Variants in WDR44 observed in about 807,000 individuals in gnomAD.
The protein encoded by WDR44 is WD repeat domain 44.
A neutral mutation model predicts 65.7 loss-of-function variants in WDR44; 9 were observed. The ratio of observed to expected loss-of-function variants is 0.14; its 90% CI spans 0.08 to 0.24. WDR44 has a LOEUF of 0.24. Among genes scored for constraint, WDR44 ranks in the 10% least tolerant of loss-of-function variants. The probability of loss-of-function intolerance (pLI) is 1.00; values close to 1 mark genes in which losing one functional copy is unlikely to be tolerated. For missense variants in WDR44, 425 were observed against 670.9 expected (o/e 0.63, Z 4.05); for synonymous variants, 220 against 235.2 (o/e 0.94, Z 0.59).
At chrX:118,424,323 G>GTGTATATATATATATATATATATA (rs1289349202) in intron 12 of WDR44, among the ~76,000 whole-genome samples, 3 of 65,554 alleles carry the variant, frequency 4.6e-5, no homozygotes, top group African/African-American at 3.0e-4. Flanking sequence ...GTGTGTGTGT[G>GTGTATATATATATATATATATATA]TATATATATA....
intron 3 of WDR44, 74 bp from the exon 4 acceptor site, chrX:118,392,558 T>C: frequency 3.4e-6 from 3 of 875,450 alleles, no homozygotes; most frequent in Non-Finnish European, 3.2e-6. Flanking sequence ...CTAAGTACTA[T>C]GTAAATGATT....
intron 14 of WDR44, among the ~76,000 whole-genome samples, chrX:118,438,797 G>GTTTTTTTGTTTTTTTTTTTTTTTT (rs1431508948): frequency 3.1e-5 from 2 of 64,071 alleles, no homozygotes; most frequent in African/African-American, 1.1e-4. Flanking sequence ...GTTCAGCCAT[G>GTTTTTTTGTTTTTTTTTTTTTTTT]TTTTTTTTTT....
At chrX:118,419,373 C>G (rs1351572739) in intron 12 of WDR44, among the ~76,000 whole-genome samples, 1 of 112,031 alleles carries the variant, frequency 8.9e-6, no homozygotes, top group African/African-American at 3.2e-5. Flanking sequence ...TCCTCTACTT[C>G]TATATTTCGC....
chrX:118,432,909 T>C lies in WDR44; in HGVS notation c.1851+15T>C. On this transcript the variant is annotated intron_variant, in intron 13 of 19. Coordinates refer to ENST00000254029, the MANE Select transcript of WDR44 (RefSeq NM_019045.5). ...CATGGTCTAAAGTAAGAAATTCTTA[T>C]TTGAATCATATAGTAATTCTGCGTA... is the stretch of plus-strand genomic sequence containing the variant. The C allele has an allele frequency of 8.6e-7, 1 of 1,157,293 alleles. No homozygotes were observed. The highest frequency in any genetic ancestry group is 1.2e-6 in the Non-Finnish European group (1 of 846,835).
At chrX:118,432,654 G>T (rs765440589) in intron 12 of WDR44, 127 bp from the exon 13 acceptor site, 1 of 580,461 alleles carries the variant, frequency 1.7e-6, no homozygotes, top group Non-Finnish European at 2.9e-6. Flanking sequence ...ATAAAGGGGA[G>T]CTTGCTTTTG....
chrX:118,431,285 A>T (rs2057208117), intron 12 of WDR44, among the ~76,000 whole-genome samples: 1 of 110,632 alleles, frequency 9.0e-6, no homozygotes, highest in African/African-American at 3.3e-5. Flanking sequence ...AGGCCTTTTT[A>T]TTGTTTATTT....
At chrX:118,368,275 C>T (rs1410106938) in intron 1 of WDR44, among the ~76,000 whole-genome samples, 2 of 109,419 alleles carry the variant, frequency 1.8e-5, no homozygotes, top group African/African-American at 6.7e-5. Context: ...CAGTTATTGT[C>T]ATCGCATCAG....
At chrX:118,369,933 G>A (rs190249615) in intron 1 of WDR44, among the ~76,000 whole-genome samples, 1 of 112,156 alleles carries the variant, frequency 8.9e-6, no homozygotes, top group Non-Finnish European at 1.9e-5. Flanking sequence ...GGGTTTTTTA[G>A]TAGAATATCA....
chrX:118,359,932 C>G (rs774318042), intron 1 of WDR44, among the ~76,000 whole-genome samples: 1 of 111,876 alleles, frequency 8.9e-6, no homozygotes, highest in Admixed American at 9.5e-5. Flanking sequence ...CAAGGAAATT[C>G]GAGTGATTTC....
At chrX:118,367,085 C>CA (rs1227005307) in intron 1 of WDR44, among the ~76,000 whole-genome samples, 1,867 of 73,919 alleles carry the variant, frequency 0.025, 46 homozygotes, top group African/African-American at 0.08. Context: ...GACTCCGTCT[C>CA]AAAAAAAAAA....
intron 1 of WDR44, among the ~76,000 whole-genome samples, chrX:118,369,455 G>A (rs1198030407): frequency 3.1e-5 from 3 of 97,495 alleles, no homozygotes; most frequent in South Asian, 1.1e-3. Context: ...ACAGGTGTGA[G>A]CCACCACGCC....
At chrX:118,419,443 G>C (rs923783870) in intron 12 of WDR44, among the ~76,000 whole-genome samples, 2 of 110,739 alleles carry the variant, frequency 1.8e-5, no homozygotes, top group African/African-American at 3.3e-5. Context: ...GCAAACAGAC[G>C]TTCAGTTTCC....
rs1431508948 is a variant in WDR44 at position 118,438,797 on chromosome X, G to GTTTTTTTGTTTTTTTTTTT, written c.1974+1980_1974+1981insGTTTTTTTTTTTTTTTTTT. 1.2e-4 allele frequency among the ~76,000 whole-genome samples: 8 copies of GTTTTTTTGTTTTTTTTTTT among 64,070 alleles called. 1 individual carries two copies. The highest frequency in any genetic ancestry group is 4.5e-4 in the African/African-American group (8 of 17,632). 55.6% of individuals were successfully genotyped at this position (64,070 alleles called of 115,157 possible). A position where few individuals can be genotyped will look rare whatever the true frequency, so the allele number is the denominator to read the frequency against. On this transcript the variant is annotated intron_variant, in intron 14 of 19. Coordinates refer to ENST00000254029, the MANE Select transcript of WDR44 (RefSeq NM_019045.5). Reference sequence around the variant, plus strand: ...TTTATTAAACTTTCTGTTCAGCCATGTTTTTTTTTTTTTTTTTTTTTGAAG... The same window carrying GTTTTTTTGTTTTTTTTTTT: ...TTTATTAAACTTTCTGTTCAGCCATGTTTTTTTGTTTTTTTTTTTTTTTTTTTTTTTTTTTTTTTTGAAG...
At chrX:118,442,140 C>A in intron 15 of WDR44, 104 bp from the exon 16 acceptor site, 1 of 653,577 alleles carries the variant, frequency 1.5e-6, no homozygotes, top group South Asian at 2.6e-5. Context: ...CTCTTGGGCT[C>A]AAGCAGTCCT....
At position 118,404,300 on chromosome X, in the gene WDR44, C is replaced by T. The variant is rs758086001; in HGVS notation, c.1275-38C>T. Reference sequence around the variant, plus strand: ...TTGTCTGCAAATTATTGGACTTTTACAGTTAACTGAGTTGATACTTTTTTC... The same window carrying T: ...TTGTCTGCAAATTATTGGACTTTTATAGTTAACTGAGTTGATACTTTTTTC... On this transcript the variant is annotated intron_variant, in intron 8 of 19. Coordinates refer to ENST00000254029, the MANE Select transcript of WDR44 (RefSeq NM_019045.5). The T allele has an allele frequency of 4.9e-6, 5 of 1,017,946 alleles. No individual in the cohort carries two copies. In the South Asian group the frequency reaches 1.0e-4, roughly 21 times the overall value. The allele number at this position is 1,017,946 out of a possible 1,213,427, so 83.9% of individuals were successfully genotyped here. A position where few individuals can be genotyped will look rare whatever the true frequency, so the allele number is the denominator to read the frequency against.
At chrX:118,421,273 T>G (rs2057103157) in intron 12 of WDR44, among the ~76,000 whole-genome samples, 1 of 112,200 alleles carries the variant, frequency 8.9e-6, no homozygotes, top group Non-Finnish European at 1.9e-5. Flanking sequence ...ATTTCAGCAA[T>G]CCTACTTATA....
rs760556971 is a variant in WDR44, at chrX:118,448,971, G to GA, written c.2732dup (p.Asn911LysfsTer6). On this transcript the variant is annotated frameshift_variant, in exon 20 of 20. Transcript: ENST00000254029. LOFTEE classifies it high-confidence loss of function. Reference sequence around the variant, plus strand: ...GCAATCAAAGTGTTTGTTAATAAAAGAAAAAATGTATCTTAATTTGAAATG... The same window carrying GA: ...GCAATCAAAGTGTTTGTTAATAAAAGAAAAAAATGTATCTTAATTTGAAATG... The GA allele has an allele frequency of 5.1e-6, 6 of 1,177,240 alleles. No individual in the cohort carries two copies. In the South Asian group the frequency reaches 7.7e-5, roughly 15 times the overall value.
At chrX:118,376,315 G>A (rs2056659322) in intron 1 of WDR44, among the ~76,000 whole-genome samples, 1 of 111,190 alleles carries the variant, frequency 9.0e-6, no homozygotes, top group Non-Finnish European at 1.9e-5. Flanking sequence ...GTTTTTATTA[G>A]AGGTCAAGGA....
At chrX:118,427,623 T>C (rs959606898) in intron 12 of WDR44, among the ~76,000 whole-genome samples, 16 of 108,704 alleles carry the variant, frequency 1.5e-4, no homozygotes, top group Non-Finnish European at 2.7e-4. Context: ...TGAGAGAAAC[T>C]GCTCTAGCCG....
Sources: gnomAD v4.1 joint callset for allele counts (sites outside exome capture counted in the v4.1 genomes callset) on GRCh38, gnomAD v4.1.1 for gene constraint, MANE v1.5 for transcripts, NCBI Gene and HGNC (gene_info 2026-07-23, HGNC 2026-07-21) for gene names.